Variants in CNTNAP2 observed in about 807,000 individuals in gnomAD.
The protein encoded by CNTNAP2 is contactin-associated protein-like 2.
In CNTNAP2, 98 loss-of-function variants were observed where a neutral mutation model predicts 155.2. That is an observed-to-expected ratio of 0.63 (90% CI 0.54 to 0.75). The LOEUF is 0.75. Among genes scored for constraint, CNTNAP2 ranks in the 30% least tolerant of loss-of-function variants. The pLI is 0.00. For synonymous variants in CNTNAP2, 651 were observed against 631.2 expected, an observed-to-expected ratio of 1.03 and a Z score of -0.47; for missense variants, 1,727 against 1,688.1, an observed-to-expected ratio of 1.02 and a Z score of -0.40.
chr7:146,506,129 G>T (rs770526188), intron 1 of CNTNAP2, among the ~76,000 whole-genome samples: 3 of 152,166 alleles, frequency 2.0e-5, no homozygotes, highest in Non-Finnish European at 2.9e-5. Context: ...CACAAGTGTT[G>T]CAGGGCCTGA....
rs530286124 is a variant in CNTNAP2 at position 147,093,240 on chromosome 7, C to CAA, written c.551-14889_551-14888dup. ...TGGGCGAAAGAGCGAGACTCCATCT[C>CAA]AAAAAAAAAAAAAAAAAAAGAAAAA... On this transcript the variant is annotated intron_variant, in intron 4 of 23. Coordinates refer to ENST00000361727, the MANE Select transcript of CNTNAP2 (RefSeq NM_014141.6). 9.3e-3 allele frequency among the ~76,000 whole-genome samples: 503 copies of CAA among 54,202 alleles called. 7 individuals carry two copies. Among genetic ancestry groups the CAA allele is most frequent in the African/African-American group, 0.024 (466 of 19,636 alleles). The allele number at this position is 54,202 out of a possible 152,430, so 35.6% of individuals were successfully genotyped here. A position where few individuals can be genotyped will look rare whatever the true frequency, so the allele number is the denominator to read the frequency against.
rs1232844518 is a variant in CNTNAP2, at chr7:146,796,635, A to G, written c.208+22254A>G. On this transcript the variant is annotated intron_variant, in intron 2 of 23. Transcript: ENST00000361727. ...GGTATAGGGACTTAGAGGGCCGACT[A>G]TGACTTCCTAGGTTAGAAACATAGC... 2.0e-5 allele frequency among the ~76,000 whole-genome samples: 3 copies of G among 152,126 alleles called. No homozygotes were observed. The East Asian group carries it at 5.8e-4, about 29-fold the overall frequency.
rs545842000 is a variant in CNTNAP2 at position 146,168,579 on chromosome 7, AATATGAGGTCTTATTT to A, written c.97+51607_97+51622del. Among the ~76,000 whole-genome samples the A allele has an allele frequency of 7.5e-3, 1,135 of 152,280 alleles. 8 individuals are homozygous for A. The highest frequency in any genetic ancestry group is 0.011 in the Non-Finnish European group (747 of 68,024). ...TTTTTCTCCAGTTGTTCAGTCCAAG[AATATGAGGTCTTATTT>A]GACTCTTCTCTCCTGCTCACATTTA... On this transcript the variant is annotated intron_variant, in intron 1 of 23. Coordinates refer to ENST00000361727, the MANE Select transcript of CNTNAP2 (RefSeq NM_014141.6).
At chr7:146,652,946 C>T (rs1282481960) in intron 1 of CNTNAP2, among the ~76,000 whole-genome samples, 1 of 152,082 alleles carries the variant, frequency 6.6e-6, no homozygotes. Context: ...TTTCTGGAAC[C>T]AATATGGTTG....
chr7:147,051,553 G>T (rs1049957401), intron 4 of CNTNAP2, among the ~76,000 whole-genome samples: 1 of 152,048 alleles, frequency 6.6e-6, no homozygotes, highest in African/African-American at 2.4e-5. Context: ...TCACTAAGAA[G>T]CAACAGAAAT....
chr7:147,250,391 T>TAA (rs143001854), intron 8 of CNTNAP2, among the ~76,000 whole-genome samples: 12 of 151,824 alleles, frequency 7.9e-5, no homozygotes, highest in Non-Finnish European at 1.2e-4. Flanking sequence ...CTTTTTATAA[T>TAA]AAAAAAAATG....
At chr7:146,454,156 A>T (rs1796521942) in intron 1 of CNTNAP2, among the ~76,000 whole-genome samples, 1 of 152,240 alleles carries the variant, frequency 6.6e-6, no homozygotes. Context: ...GTAGTTCAAC[A>T]TAGTGACATA....
intron 13 of CNTNAP2, among the ~76,000 whole-genome samples, chr7:147,855,310 T>C (rs1280973704): frequency 6.6e-6 from 1 of 152,182 alleles, no homozygotes; most frequent in East Asian, 1.9e-4. Context: ...GCATGACTTC[T>C]GAGCCTGAAC....
intron 8 of CNTNAP2, among the ~76,000 whole-genome samples, chr7:147,231,091 CTT>C (rs1462271261): frequency 6.6e-6 from 1 of 152,164 alleles, no homozygotes; most frequent in African/African-American, 2.4e-5. Context: ...CTGCCAAACA[CTT>C]TTAAAACATC....
chr7:146,121,477 T>G (rs539855398), intron 1 of CNTNAP2, among the ~76,000 whole-genome samples: 1 of 152,154 alleles, frequency 6.6e-6, no homozygotes, highest in Non-Finnish European at 1.5e-5. Flanking sequence ...ATTAAACATA[T>G]GGAGATCCAA....
chr7:148,344,550 C>T (rs1798289466), intron 21 of CNTNAP2, among the ~76,000 whole-genome samples: 1 of 152,194 alleles, frequency 6.6e-6, no homozygotes, highest in Non-Finnish European at 1.5e-5. Context: ...TGCCTGCTCT[C>T]TGCCCCCTTG....
chr7:147,950,909 C>G (rs962308242), intron 14 of CNTNAP2, among the ~76,000 whole-genome samples: 2 of 152,198 alleles, frequency 1.3e-5, no homozygotes, highest in African/African-American at 4.8e-5. Flanking sequence ...CCTTATCTGT[C>G]TCTTCACTTT....
rs76863537 is a variant in CNTNAP2, at chr7:146,949,868, G to A, written c.403-94039G>A. On this transcript the variant is annotated intron_variant, in intron 3 of 23. Coordinates refer to ENST00000361727, the MANE Select transcript of CNTNAP2 (RefSeq NM_014141.6). ...GAAGGATATGAGCACAAAGCTCTGT[G>A]GGTTTTGTTTTCCTTTGTTTTTGTC... 1.4e-3 allele frequency among the ~76,000 whole-genome samples: 209 copies of A among 152,194 alleles called. 3 individuals carry two copies. Among genetic ancestry groups the A allele is most frequent in the African/African-American group, 4.8e-3 (200 of 41,530 alleles).
At chr7:146,723,165 C>T (rs1041512481) in intron 1 of CNTNAP2, among the ~76,000 whole-genome samples, 3 of 152,152 alleles carry the variant, frequency 2.0e-5, no homozygotes, top group African/African-American at 7.2e-5. Context: ...GGTGTCCTTA[C>T]AAGAACAGAA....
chr7:147,858,621 T>C (rs1799084037), intron 13 of CNTNAP2, among the ~76,000 whole-genome samples: 1 of 152,120 alleles, frequency 6.6e-6, no homozygotes, highest in African/African-American at 2.4e-5. Context: ...TGTAATCAAG[T>C]TCGGATGAGG....
At chr7:147,147,242 A>G (rs907232994) in intron 8 of CNTNAP2, among the ~76,000 whole-genome samples, 14 of 152,118 alleles carry the variant, frequency 9.2e-5, no homozygotes, top group Non-Finnish European at 1.8e-4. Flanking sequence ...CATGAGGGAA[A>G]CTGCCCCATG....
At chr7:148,068,422 A>G (rs536912742) in intron 15 of CNTNAP2, among the ~76,000 whole-genome samples, 1 of 152,234 alleles carries the variant, frequency 6.6e-6, no homozygotes, top group African/African-American at 2.4e-5. Context: ...GGTAAGGTTA[A>G]ATTCTTCTCC....
chr7:146,535,040 T>C (rs1797825963), intron 1 of CNTNAP2, among the ~76,000 whole-genome samples: 1 of 94,742 alleles, frequency 1.1e-5, no homozygotes, highest in Non-Finnish European at 2.2e-5. Flanking sequence ...TAATAAAATG[T>C]AGTTTTAATT....
intron 1 of CNTNAP2, among the ~76,000 whole-genome samples, chr7:146,754,554 GTCTCTCTCTCTCTC>G (rs143802449): frequency 6.9e-6 from 1 of 144,870 alleles, no homozygotes; most frequent in African/African-American, 2.6e-5. Flanking sequence ...CTCTCTCTCT[GTCTCTCTCTCTCTC>G]TCTCTCTCTC....
Sources: allele counts gnomAD v4.1 joint callset (sites outside exome capture counted in the v4.1 genomes callset), GRCh38; gene constraint gnomAD v4.1.1; transcripts MANE v1.5; gene names NCBI Gene and HGNC (gene_info 2026-07-23, HGNC 2026-07-21).